Variants in ST6GALNAC5 observed in about 807,000 individuals in gnomAD.
ST6GALNAC5 encodes the protein alpha-N-acetylgalactosaminide alpha-2,6-sialyltransferase 5.
ST6GALNAC5 carries 27 observed loss-of-function variants against 33.6 expected under a neutral mutation model. That is an observed-to-expected ratio of 0.80 (90% CI 0.59 to 1.11). The LOEUF is 1.11. Among genes scored for constraint, ST6GALNAC5 ranks in the 50% least tolerant of loss-of-function variants. The pLI is 0.00. For synonymous variants in ST6GALNAC5, 194 were observed against 171.2 expected (o/e 1.13, Z -1.04); for missense variants, 428 against 454.0 (o/e 0.94, Z 0.52).
intron 2 of ST6GALNAC5, among the ~76,000 whole-genome samples, chr1:76,943,492 A>G (rs1298375250): frequency 2.0e-5 from 3 of 152,092 alleles, no homozygotes; most frequent in Admixed American, 2.0e-4. Flanking sequence ...AGAGAGGGAA[A>G]TTAAAAATTA....
chr1:76,932,755 A>C (rs2100312232), intron 2 of ST6GALNAC5, among the ~76,000 whole-genome samples: 1 of 152,188 alleles, frequency 6.6e-6, no homozygotes, highest in East Asian at 1.9e-4. Flanking sequence ...GACTTTGCTC[A>C]TGCCTCTTGG....
At chr1:76,869,375 C>T (rs1401066827) in intron 2 of ST6GALNAC5, among the ~76,000 whole-genome samples, 1 of 152,152 alleles carries the variant, frequency 6.6e-6, no homozygotes, top group African/African-American at 2.4e-5. Context: ...TGGCTAATAA[C>T]TAATAAGATG....
intron 2 of ST6GALNAC5, among the ~76,000 whole-genome samples, chr1:76,907,059 G>A (rs1434496164): frequency 6.6e-6 from 1 of 151,938 alleles, no homozygotes; most frequent in African/African-American, 2.4e-5. Context: ...ACCCACTATT[G>A]CCCATCTACA....
rs1400821735 is a variant in ST6GALNAC5, at chr1:76,868,087, C to G, written c.15+397C>G. On this transcript the variant is annotated intron_variant, in intron 1 of 4. Coordinates refer to ENST00000477717, the MANE Select transcript of ST6GALNAC5 (RefSeq NM_030965.3). The surrounding 1 kb of genome is among the most constrained non-coding windows in gnomAD (Gnocchi z 4.3). ...TTCGTTTTCTTAGATTTCAAACTTGCAAGGATCGCAAGGATCCAGGGCCCC... is the reference window on the plus strand; with the variant it reads ...TTCGTTTTCTTAGATTTCAAACTTGGAAGGATCGCAAGGATCCAGGGCCCC... Among the ~76,000 whole-genome samples, 1 of 152,186 alleles carries G rather than the reference C, an allele frequency of 6.6e-6. No individual in the cohort carries two copies. The highest frequency in any genetic ancestry group is 1.5e-5 in the Non-Finnish European group (1 of 68,022).
chr1:76,911,256 C>T (rs143295011), intron 2 of ST6GALNAC5, among the ~76,000 whole-genome samples: 2,524 of 152,138 alleles, frequency 0.017, 51 homozygotes, highest in African/African-American at 0.052. Context: ...TATTGATTTG[C>T]GTATATTGAC....
intron 2 of ST6GALNAC5, among the ~76,000 whole-genome samples, chr1:76,952,090 AAT>A (rs1384034750): frequency 6.6e-6 from 1 of 152,148 alleles, no homozygotes; most frequent in Non-Finnish European, 1.5e-5. Flanking sequence ...TTTGAAGTTT[AAT>A]ATGTAATATT....
At chr1:77,000,235 T>C (rs1305174312) in intron 2 of ST6GALNAC5, among the ~76,000 whole-genome samples, 1 of 113,278 alleles carries the variant, frequency 8.8e-6, no homozygotes, top group African/African-American at 2.7e-5. Context: ...ATTTCTCTGA[T>C]GGCCAGTGAT....
chr1:77,008,221 C>T (rs772896056), intron 2 of ST6GALNAC5, among the ~76,000 whole-genome samples: 4 of 152,182 alleles, frequency 2.6e-5, no homozygotes, highest in Non-Finnish European at 4.4e-5. Flanking sequence ...ACTTCATGCA[C>T]AAGAGCTTTC....
At chr1:77,010,289 G>A (rs1650584298) in intron 2 of ST6GALNAC5, among the ~76,000 whole-genome samples, 1 of 152,140 alleles carries the variant, frequency 6.6e-6, no homozygotes, top group African/African-American at 2.4e-5. Flanking sequence ...GAGGTAAGGT[G>A]GTCGAGACCA....
At chr1:77,002,396 T>C (rs1650206972) in intron 2 of ST6GALNAC5, among the ~76,000 whole-genome samples, 1 of 152,214 alleles carries the variant, frequency 6.6e-6, no homozygotes, top group African/African-American at 2.4e-5. Context: ...TCTTTATTAG[T>C]CTTGATAGCG....
At chr1:76,894,152 C>T (rs955487857) in intron 2 of ST6GALNAC5, among the ~76,000 whole-genome samples, 1 of 152,154 alleles carries the variant, frequency 6.6e-6, no homozygotes, top group African/African-American at 2.4e-5. Context: ...TACCAATTGC[C>T]TTTCTAAAAT....
intron 2 of ST6GALNAC5, among the ~76,000 whole-genome samples, chr1:76,952,763 T>C (rs889646603): frequency 1.3e-5 from 2 of 151,866 alleles, no homozygotes; most frequent in African/African-American, 4.8e-5. Flanking sequence ...AAATAAAAAT[T>C]AAAAAAGAAA....
At chr1:76,974,681 T>G (rs1394888436) in intron 2 of ST6GALNAC5, among the ~76,000 whole-genome samples, 1 of 144,732 alleles carries the variant, frequency 6.9e-6, no homozygotes, top group African/African-American at 2.6e-5. Flanking sequence ...ATTTCTGCAT[T>G]TTCATACTGC....
intron 2 of ST6GALNAC5, among the ~76,000 whole-genome samples, chr1:76,980,626 A>C (rs1649210863): frequency 6.6e-6 from 1 of 152,232 alleles, no homozygotes; most frequent in Non-Finnish European, 1.5e-5. Context: ...GGGGGAAAGA[A>C]TAGGTTTTTC....
chr1:76,868,948 G>T lies in ST6GALNAC5; in HGVS notation c.261+206G>T. 1.2e-6 allele frequency: 1 copy of T among 828,642 alleles called. No individual in the cohort carries two copies. Among genetic ancestry groups the T allele is most frequent in the Non-Finnish European group, 1.7e-6 (1 of 578,156 alleles). 51.3% of individuals were successfully genotyped at this position (828,642 alleles called of 1,614,324 possible). A position where few individuals can be genotyped will look rare whatever the true frequency, so the allele number is the denominator to read the frequency against. On this transcript the variant is annotated intron_variant, in intron 2 of 4. Transcript: ENST00000477717. This position sits in a 1 kb window ranked among gnomAD's most constrained non-coding sequence, Gnocchi z 4.3. ...AAGACACAAAGTTTTGTAGAAAATA[G>T]GGGTGAGGTGCGTGGACCCCAAAGC...
At chr1:77,052,928 AAAAAAAAAAAAC>A (rs1379733276) in intron 4 of ST6GALNAC5, among the ~76,000 whole-genome samples, 2 of 148,666 alleles carry the variant, frequency 1.3e-5, no homozygotes, top group African/African-American at 5.0e-5. Flanking sequence ...AAAAAAAAAA[AAAAAAAAAAAAC>A]AATTTTAAGG....
At chr1:76,933,100 G>A (rs2100312753) in intron 2 of ST6GALNAC5, among the ~76,000 whole-genome samples, 1 of 152,166 alleles carries the variant, frequency 6.6e-6, no homozygotes, top group East Asian at 1.9e-4. Context: ...AAGAATCTAA[G>A]ACCATGAAAC....
At chr1:76,985,794 G>A (rs1649471824) in intron 2 of ST6GALNAC5, among the ~76,000 whole-genome samples, 1 of 152,114 alleles carries the variant, frequency 6.6e-6, no homozygotes, top group Admixed American at 6.5e-5. Flanking sequence ...GCATGATACT[G>A]GTACCAAAAC....
In ST6GALNAC5 at chr1:76,867,567, G is replaced by A. The variant is rs1298393770; in HGVS notation, c.-109G>A. 1.9e-6 allele frequency: 3 copies of A among 1,585,570 alleles called. No homozygotes were observed. The highest frequency in any genetic ancestry group is 1.7e-6 in the Non-Finnish European group (2 of 1,155,376). ...CGCGATCTGCCGCGGCCGGCTGCTG[G>A]GCAAAAATCAGAGCCGCCTCCGCCC... On this transcript the variant is annotated 5_prime_UTR_variant, in exon 1 of 5. Coordinates refer to ENST00000477717, the MANE Select transcript of ST6GALNAC5 (RefSeq NM_030965.3).
Sources: allele counts gnomAD v4.1 joint callset (sites outside exome capture counted in the v4.1 genomes callset), GRCh38; gene constraint gnomAD v4.1.1; non-coding constraint Gnocchi (gnomAD v3.1); transcripts MANE v1.5; gene names NCBI Gene and HGNC (gene_info 2026-07-23, HGNC 2026-07-21).